The following NRG3 variants were observed in gnomAD, a reference collection of about 807,000 sequenced individuals.
The protein encoded by NRG3 is pro-neuregulin-3, membrane-bound isoform.
In NRG3, 31 loss-of-function variants were observed where a neutral mutation model predicts 66.9. The observed-to-expected ratio is 0.46, with a 90% CI of 0.35 to 0.63. The LOEUF (loss-of-function observed/expected upper bound fraction) is 0.63, where lower values mean the gene tolerates loss of function less well. Ranked by LOEUF, NRG3 falls within the 20% of genes least tolerant of loss-of-function variation. The pLI is 0.00. For synonymous variants in NRG3, 393 were observed against 359.4 expected (o/e 1.09, Z -1.06); for missense variants, 910 against 878.9 (o/e 1.04, Z -0.45).
intron 4 of NRG3, among the ~76,000 whole-genome samples, chr10:82,923,842 G>A (rs1274322989): frequency 6.6e-6 from 1 of 151,926 alleles, no homozygotes; most frequent in African/African-American, 2.4e-5. Flanking sequence ...TAAAGGTAGA[G>A]AGAGGGCCGG....
intron 1 of NRG3, among the ~76,000 whole-genome samples, chr10:82,322,439 T>C (rs2081625476): frequency 6.6e-6 from 1 of 152,136 alleles, no homozygotes; most frequent in Admixed American, 6.6e-5. Flanking sequence ...TAGAAAAGGA[T>C]CAGGGAGATT....
intron 1 of NRG3, among the ~76,000 whole-genome samples, chr10:82,253,954 T>C (rs1475967965): frequency 6.6e-6 from 1 of 152,178 alleles, no homozygotes; most frequent in Non-Finnish European, 1.5e-5. Context: ...TACTTGTCTG[T>C]CTCTGAAAAA....
chr10:82,792,440 G>A (rs903182781), intron 3 of NRG3, among the ~76,000 whole-genome samples: 10 of 151,838 alleles, frequency 6.6e-5, no homozygotes, highest in African/African-American at 2.2e-4. Context: ...CAATTATTAC[G>A]TCTTTGTTAT....
At chr10:82,384,433 C>T (rs2135890214) in intron 2 of NRG3, among the ~76,000 whole-genome samples, 1 of 152,284 alleles carries the variant, frequency 6.6e-6, no homozygotes, top group South Asian at 2.1e-4. Flanking sequence ...ATCCTCCCAA[C>T]CCCCACCCTC....
At chr10:82,813,998 C>T (rs569094622) in intron 3 of NRG3, among the ~76,000 whole-genome samples, 1 of 152,194 alleles carries the variant, frequency 6.6e-6, no homozygotes, top group African/African-American at 2.4e-5. Flanking sequence ...AGAAGTTACT[C>T]GTACTCTGTG....
intron 3 of NRG3, among the ~76,000 whole-genome samples, chr10:82,840,065 G>A (rs1300188589): frequency 6.6e-6 from 1 of 151,924 alleles, no homozygotes. Context: ...TGCACATAAA[G>A]AATCCCACAA....
intron 1 of NRG3, among the ~76,000 whole-genome samples, chr10:82,240,326 CTT>C (rs1189703105): frequency 6.6e-6 from 1 of 151,920 alleles, no homozygotes; most frequent in East Asian, 1.9e-4. Flanking sequence ...CATTAACAGA[CTT>C]TTATTTCTTT....
intron 3 of NRG3, among the ~76,000 whole-genome samples, chr10:82,819,043 C>A (rs2061837707): frequency 6.6e-6 from 1 of 151,976 alleles, no homozygotes; most frequent in African/African-American, 2.4e-5. Context: ...CATGATGATG[C>A]CCTTAAGAAA....
At position 81,985,556 on chromosome 10, in the gene NRG3, A is replaced by C. The variant is rs78640387; in HGVS notation, c.823+109393A>C. On this transcript the variant is annotated intron_variant, in intron 1 of 8. Transcript: ENST00000372141. ...GTCTCTCCTTATTGTAAGAACTCCT[A>C]ATTCCACGAGTGATTATTAATGCAG... Among the ~76,000 whole-genome samples, 865 of 152,328 alleles carry C rather than the reference A, an allele frequency of 5.7e-3. 10 individuals are homozygous for C. Among genetic ancestry groups the C allele is most frequent in the African/African-American group, 0.02 (834 of 41,570 alleles).
intron 1 of NRG3, among the ~76,000 whole-genome samples, chr10:82,016,587 A>G (rs113087211): frequency 6.6e-6 from 1 of 152,156 alleles, no homozygotes; most frequent in Non-Finnish European, 1.5e-5. Flanking sequence ...TGCAAAAGTC[A>G]CATGATCAAA....
intron 2 of NRG3, among the ~76,000 whole-genome samples, chr10:82,408,139 G>GAAAGAAAGAAAGA (rs1554911334): frequency 1.6e-4 from 22 of 140,540 alleles, no homozygotes; most frequent in African/African-American, 5.2e-4. Flanking sequence ...AAGAAAGAAA[G>GAAAGAAAGAAAGA]AAAGAAAAGA....
intron 3 of NRG3, among the ~76,000 whole-genome samples, chr10:82,854,096 C>G (rs2063693289): frequency 6.6e-6 from 1 of 152,128 alleles, no homozygotes; most frequent in South Asian, 2.1e-4. Context: ...TGGAAAGGCA[C>G]TAGAGGCGGA....
intron 1 of NRG3, among the ~76,000 whole-genome samples, chr10:82,028,905 C>A (rs968304030): frequency 6.6e-6 from 1 of 152,032 alleles, no homozygotes; most frequent in Non-Finnish European, 1.5e-5. Context: ...GTTGAAAAGT[C>A]ATCAGAATCA....
At chr10:82,492,946 C>G (rs1843282675) in intron 2 of NRG3, among the ~76,000 whole-genome samples, 1 of 152,124 alleles carries the variant, frequency 6.6e-6, no homozygotes, top group African/African-American at 2.4e-5. Context: ...GCTTTGTATT[C>G]AGTTTTAAAC....
At chr10:82,198,446 C>T (rs1415990949) in intron 1 of NRG3, among the ~76,000 whole-genome samples, 1 of 152,148 alleles carries the variant, frequency 6.6e-6, no homozygotes, top group African/African-American at 2.4e-5. Flanking sequence ...AGATAGGTAA[C>T]AGCACTACCC....
At chr10:81,984,072 G>T (rs1375037827) in intron 1 of NRG3, among the ~76,000 whole-genome samples, 1 of 152,132 alleles carries the variant, frequency 6.6e-6, no homozygotes, top group African/African-American at 2.4e-5. Context: ...CCCAAGCTAA[G>T]GAATATAGGC....
At chr10:82,449,854 C>A (rs1263114122) in intron 2 of NRG3, among the ~76,000 whole-genome samples, 1 of 152,140 alleles carries the variant, frequency 6.6e-6, no homozygotes, top group African/African-American at 2.4e-5. Context: ...AACAATAACT[C>A]ATTCAGGGCT....
At chr10:82,794,415 T>G (rs1170013668) in intron 3 of NRG3, among the ~76,000 whole-genome samples, 5 of 152,200 alleles carry the variant, frequency 3.3e-5, no homozygotes, top group Admixed American at 6.5e-5. Flanking sequence ...CCAAAATTTA[T>G]TCCTTGGCCT....
chr10:82,205,101 A>C (rs1423922475), intron 1 of NRG3, among the ~76,000 whole-genome samples: 1 of 152,238 alleles, frequency 6.6e-6, no homozygotes, highest in Non-Finnish European at 1.5e-5. Context: ...TTAACTCAAA[A>C]GGAAGGATGA....
Sources: gnomAD v4.1 joint callset for allele counts (sites outside exome capture counted in the v4.1 genomes callset) on GRCh38, gnomAD v4.1.1 for gene constraint, MANE v1.5 for transcripts, NCBI Gene and HGNC (gene_info 2026-07-23, HGNC 2026-07-21) for gene names.